Variants in MYT1L observed in about 807,000 individuals in gnomAD.
MYT1L encodes myelin transcription factor 1-like protein.
Under a neutral mutation model 126.7 loss-of-function variants are expected in MYT1L, and 12 were observed. The ratio of observed to expected loss-of-function variants is 0.09; its 90% CI spans 0.06 to 0.15. MYT1L has a LOEUF of 0.15. Among genes scored for constraint, MYT1L ranks in the 10% least tolerant of loss-of-function variants. The pLI is 1.00. For synonymous variants in MYT1L, 541 were observed against 604.2 expected (o/e 0.90, Z 1.53); for missense variants, 979 against 1,585.2 (o/e 0.62, Z 6.49).
At chr2:2,209,601 AG>A (rs1480382333) in intron 2 of MYT1L, among the ~76,000 whole-genome samples, 2 of 152,224 alleles carry the variant, frequency 1.3e-5, no homozygotes, top group Non-Finnish European at 2.9e-5. Context: ...ATGGCAGAAT[AG>A]TACTCCATTG....
chr2:2,146,524 C>T (rs1289971273), intron 3 of MYT1L, among the ~76,000 whole-genome samples: 1 of 152,188 alleles, frequency 6.6e-6, no homozygotes, highest in East Asian at 1.9e-4. Context: ...TGCTTCTCAG[C>T]CCACCCCTGG....
rs1369387957 is a variant in MYT1L at position 1,890,990 on chromosome 2, G to A, written c.2283+1047C>T. 3.0e-4 allele frequency among the ~76,000 whole-genome samples: 46 copies of A among 151,720 alleles called. No individual in the cohort carries two copies. The Admixed American group carries it at 3.1e-3, about 10-fold the overall frequency. On this transcript the variant is annotated intron_variant, in intron 15 of 24. Transcript: ENST00000647738. Reference sequence around the variant, plus strand: ...AAGAAAGTGCAACAAAATTTGGAAGGGGTCTCTGCCTTTTATTTTATTTTT... The same window carrying A: ...AAGAAAGTGCAACAAAATTTGGAAGAGGTCTCTGCCTTTTATTTTATTTTT...
intron 8 of MYT1L, among the ~76,000 whole-genome samples, chr2:1,967,575 C>T (rs1400870290): frequency 1.3e-5 from 2 of 152,202 alleles, no homozygotes; most frequent in African/African-American, 4.8e-5. Flanking sequence ...ACCATACTGG[C>T]CTCAGGGAAA....
chr2:1,861,967 T>TA (rs2044721112), intron 18 of MYT1L, among the ~76,000 whole-genome samples: 1 of 143,100 alleles, frequency 7.0e-6, no homozygotes, highest in Non-Finnish European at 1.6e-5. Context: ...TGTGTAATCC[T>TA]GGATCTGCCT....
chr2:1,965,030 C>A (rs184729618), intron 8 of MYT1L, among the ~76,000 whole-genome samples: 1 of 152,326 alleles, frequency 6.6e-6, no homozygotes, highest in East Asian at 1.9e-4. Flanking sequence ...ATCATCAGTG[C>A]CCAGAAAATT....
intron 9 of MYT1L, among the ~76,000 whole-genome samples, chr2:1,930,455 C>G (rs1481176110): frequency 6.6e-6 from 1 of 152,186 alleles, no homozygotes; most frequent in East Asian, 1.9e-4. Flanking sequence ...CTCTTCTAAA[C>G]CACAGGGTGT....
chr2:2,183,565 G>GT (rs1387268542), intron 2 of MYT1L, among the ~76,000 whole-genome samples: 2 of 152,138 alleles, frequency 1.3e-5, no homozygotes, highest in Non-Finnish European at 2.9e-5. Context: ...TGATGGCCCT[G>GT]TAAGGTAATG....
At chr2:2,024,675 T>C (rs2065349394) in intron 4 of MYT1L, among the ~76,000 whole-genome samples, 1 of 152,192 alleles carries the variant, frequency 6.6e-6, no homozygotes, top group South Asian at 2.1e-4. Context: ...TACTCCCAAA[T>C]TTCCAGTGTC....
At position 2,080,472 on chromosome 2, in the gene MYT1L, A is replaced by G. The variant is rs183008076; in HGVS notation, c.-303-26349T>C. 2.0e-5 allele frequency among the ~76,000 whole-genome samples: 3 copies of G among 152,352 alleles called. No individual in the cohort carries two copies. The East Asian group carries it at 5.8e-4, about 29-fold the overall frequency. ...GCATAATATGCAAATAATCCTTACA[A>G]AGCAATAAGAAAAGACAATACAATT... On this transcript the variant is annotated intron_variant, in intron 3 of 24. Transcript: ENST00000647738.
At chr2:2,261,821 G>T (rs73913292) in intron 2 of MYT1L, among the ~76,000 whole-genome samples, 2,451 of 152,304 alleles carry the variant, frequency 0.016, 63 homozygotes, top group African/African-American at 0.056. Context: ...TATTAGAACA[G>T]TTTCTGGAGC....
At chr2:2,187,251 A>G (rs769004474) in intron 2 of MYT1L, among the ~76,000 whole-genome samples, 18 of 151,994 alleles carry the variant, frequency 1.2e-4, no homozygotes, top group Admixed American at 2.6e-4. Flanking sequence ...CTGGAGCTGC[A>G]CAGAAAGTGC....
intron 3 of MYT1L, among the ~76,000 whole-genome samples, chr2:2,158,791 G>A (rs1338574977): frequency 6.6e-6 from 1 of 152,098 alleles, no homozygotes; most frequent in African/African-American, 2.4e-5. Context: ...GAAAGCAATG[G>A]TCTATGATGA....
intron 18 of MYT1L, among the ~76,000 whole-genome samples, chr2:1,859,757 G>C (rs1006744406): frequency 4.6e-5 from 7 of 152,224 alleles, no homozygotes; most frequent in African/African-American, 1.4e-4. Context: ...CCTGCACCAC[G>C]TCCCATCCAG....
At chr2:2,146,691 C>T (rs2084927624) in intron 3 of MYT1L, among the ~76,000 whole-genome samples, 2 of 152,240 alleles carry the variant, frequency 1.3e-5, no homozygotes, top group Admixed American at 6.5e-5. Flanking sequence ...TGCATCTACA[C>T]AGTGAACAAT....
At chr2:2,022,518 T>C (rs1317050397) in intron 4 of MYT1L, among the ~76,000 whole-genome samples, 1 of 152,124 alleles carries the variant, frequency 6.6e-6, no homozygotes, top group East Asian at 1.9e-4. Flanking sequence ...TTTCAACCTC[T>C]CCTGTTCCAT....
intron 3 of MYT1L, among the ~76,000 whole-genome samples, chr2:2,062,497 T>C (rs1558891942): frequency 6.6e-6 from 1 of 152,208 alleles, no homozygotes; most frequent in Non-Finnish European, 1.5e-5. Flanking sequence ...GCCCCATCTC[T>C]TGTAATCTCT....
chr2:2,005,260 ATACGTTCTTTCCTGTG>A (rs1347594106), intron 4 of MYT1L, among the ~76,000 whole-genome samples: 4,568 of 135,140 alleles, frequency 0.034, 127 homozygotes, highest in Non-Finnish European at 0.046. Context: ...TCTTTCCTGC[ATACGTTCTTTCCTGTG>A]TGCCTTCTTT....
intron 21 of MYT1L, among the ~76,000 whole-genome samples, chr2:1,830,840 C>G (rs1345950140): frequency 6.6e-6 from 1 of 152,136 alleles, no homozygotes. Context: ...GCTGCGGCCT[C>G]CCTCACAGGA....
intron 4 of MYT1L, among the ~76,000 whole-genome samples, chr2:2,034,011 C>T (rs1055501943): frequency 6.6e-6 from 1 of 152,144 alleles, no homozygotes; most frequent in African/African-American, 2.4e-5. Context: ...GAAATGAAAA[C>T]ATGCCAGGGT....
Sources: allele counts gnomAD v4.1 joint callset (sites outside exome capture counted in the v4.1 genomes callset), GRCh38; gene constraint gnomAD v4.1.1; transcripts MANE v1.5; gene names NCBI Gene and HGNC (gene_info 2026-07-23, HGNC 2026-07-21).